Variants in XXYLT1 observed in about 807,000 individuals in gnomAD.
The protein encoded by XXYLT1 is xyloside xylosyltransferase 1.
In XXYLT1, 20 loss-of-function variants were observed where a neutral mutation model predicts 28.9. The observed-to-expected ratio is 0.69, with a 90% confidence interval of 0.49 to 1.00. The LOEUF (loss-of-function observed/expected upper bound fraction) is 1.00. Ranked by LOEUF, XXYLT1 falls within the 50% of genes least tolerant of loss-of-function variation. The pLI is 0.00. For missense variants in XXYLT1, 542 were observed against 560.1 expected (o/e 0.97, Z 0.33); for synonymous variants, 257 against 253.8 (o/e 1.01, Z -0.12).
intron 2 of XXYLT1, among the ~76,000 whole-genome samples, chr3:195,187,787 G>A (rs1373937001): frequency 3.3e-5 from 5 of 152,320 alleles, no homozygotes; most frequent in Non-Finnish European, 7.4e-5. Flanking sequence ...CGGGGCTGAG[G>A]ACATGCCTGG....
At chr3:195,112,581 ACG>A (rs200844009) in intron 3 of XXYLT1, among the ~76,000 whole-genome samples, 27 of 144,292 alleles carry the variant, frequency 1.9e-4, no homozygotes, top group African/African-American at 7.0e-4. Flanking sequence ...ACACACACGC[ACG>A]CACACACACA....
At chr3:195,163,177 T>C (rs961419345) in intron 2 of XXYLT1, among the ~76,000 whole-genome samples, 3 of 152,138 alleles carry the variant, frequency 2.0e-5, no homozygotes, top group African/African-American at 7.2e-5. Flanking sequence ...TTATCAGGTG[T>C]TTTCTGAAAA....
At chr3:195,239,668 C>T (rs1724697715) in intron 1 of XXYLT1, among the ~76,000 whole-genome samples, 1 of 152,102 alleles carries the variant, frequency 6.6e-6, no homozygotes, top group Non-Finnish European at 1.5e-5. Context: ...TTTCCCACAC[C>T]CAGCTTACAA....
chr3:195,186,254 A>G (rs1722192258), intron 2 of XXYLT1, among the ~76,000 whole-genome samples: 1 of 152,178 alleles, frequency 6.6e-6, no homozygotes, highest in South Asian at 2.1e-4. Flanking sequence ...AGTCCAGACC[A>G]TTCTTTCAGG....
rs572111441 is a variant in XXYLT1 at position 195,069,628 on chromosome 3, G to A, written c.*87C>T. 31 of 1,494,206 alleles carry A rather than the reference G, an allele frequency of 2.1e-5. No homozygotes were observed. The highest frequency in any genetic ancestry group is 1.4e-4 in the African/African-American group (10 of 71,812). 92.6% of individuals were successfully genotyped at this position (1,494,206 alleles called of 1,614,324 possible). On this transcript the variant is annotated 3_prime_UTR_variant, in exon 4 of 4. Coordinates refer to ENST00000310380, the MANE Select transcript of XXYLT1 (RefSeq NM_152531.5). ...GACTTCCCTGCGGTGTCTCTCTAGC[G>A]GGTCAGACACTGCCCTTGGGTCTGT...
chr3:195,101,662 A>G lies in XXYLT1; in HGVS notation c.786-31551T>C, dbSNP rs9869581. ...GATGAAATATATGAAATTGGGATAT[A>G]GCAAAAAATACATCTGAGCCGGGTG... On this transcript the variant is annotated intron_variant, in intron 3 of 3. Coordinates refer to ENST00000310380, the MANE Select transcript of XXYLT1 (RefSeq NM_152531.5). 5.2e-3 allele frequency among the ~76,000 whole-genome samples: 792 copies of G among 152,042 alleles called. 11 individuals are homozygous for G. Among genetic ancestry groups the G allele is most frequent in the African/African-American group, 0.018 (757 of 41,452 alleles).
At chr3:195,259,273 G>C (rs1019499588) in intron 1 of XXYLT1, among the ~76,000 whole-genome samples, 7 of 152,242 alleles carry the variant, frequency 4.6e-5, no homozygotes, top group Non-Finnish European at 1.0e-4. Context: ...CTTAACAGCA[G>C]GCTTTCTGTC....
chr3:195,254,803 A>G (rs556139786), intron 1 of XXYLT1, among the ~76,000 whole-genome samples: 2 of 152,262 alleles, frequency 1.3e-5, no homozygotes, highest in Non-Finnish European at 2.9e-5. Flanking sequence ...CGCTGTGCAC[A>G]TTCAGTCACT....
chr3:195,113,954 T>G (rs57645798), intron 3 of XXYLT1, among the ~76,000 whole-genome samples: 1,630 of 152,188 alleles, frequency 0.011, 28 homozygotes, highest in African/African-American at 0.037. Flanking sequence ...TCCCTCCAGG[T>G]GGCAGGAACA....
chr3:195,101,848 G>C (rs558485198), intron 3 of XXYLT1, among the ~76,000 whole-genome samples: 4 of 141,006 alleles, frequency 2.8e-5, no homozygotes, highest in African/African-American at 1.1e-4. Flanking sequence ...AGAGGGGAGG[G>C]AAGAAAGAAA....
chr3:195,185,547 A>G (rs1300519451), intron 2 of XXYLT1, among the ~76,000 whole-genome samples: 6 of 146,606 alleles, frequency 4.1e-5, no homozygotes, highest in Admixed American at 4.1e-4. Context: ...AGGTCACTGA[A>G]GGACCATGGG....
rs544215692 is a variant in XXYLT1, at chr3:195,251,051, C to T, written c.504+19504G>A. 5.9e-5 allele frequency among the ~76,000 whole-genome samples: 9 copies of T among 152,338 alleles called. 1 individual carries two copies. The highest frequency in any genetic ancestry group is 1.9e-4 in the East Asian group (1 of 5,172). On this transcript the variant is annotated intron_variant, in intron 1 of 3. Transcript: ENST00000310380. The stretch of plus-strand genomic sequence containing the variant: ...TCGGCATAAATGTGCACTGGCCAGA[C>T]GGCCCTGGGATCTGAGGACTCCCTC...
chr3:195,227,480 G>T (rs1036946771), intron 1 of XXYLT1, among the ~76,000 whole-genome samples: 1 of 152,202 alleles, frequency 6.6e-6, no homozygotes, highest in Admixed American at 6.5e-5. Flanking sequence ...ACTGTGAGAA[G>T]TATAAGGAAT....
intron 3 of XXYLT1, among the ~76,000 whole-genome samples, chr3:195,139,590 T>C (rs79963426): frequency 0.12 from 17,819 of 152,092 alleles, 1,185 homozygotes; most frequent in East Asian, 0.27. Flanking sequence ...CTGTGGCTTG[T>C]TCAGAGCCTG....
intron 3 of XXYLT1, among the ~76,000 whole-genome samples, chr3:195,081,317 G>C (rs1218736611): frequency 1.3e-5 from 2 of 152,176 alleles, no homozygotes; most frequent in African/African-American, 4.8e-5. Context: ...ATAGCAATTT[G>C]CAAAGTATAC....
chr3:195,135,405 A>G (rs1342425398), intron 3 of XXYLT1, among the ~76,000 whole-genome samples: 1 of 152,178 alleles, frequency 6.6e-6, no homozygotes. Flanking sequence ...ATCAAAAAAG[A>G]GTCAGTCAGC....
intron 3 of XXYLT1, among the ~76,000 whole-genome samples, chr3:195,122,655 G>A (rs1718424157): frequency 6.6e-6 from 1 of 152,222 alleles, no homozygotes; most frequent in Admixed American, 6.5e-5. Context: ...GCCAGCCCCA[G>A]CACCACAAAT....
At chr3:195,119,079 C>T (rs1161981763) in intron 3 of XXYLT1, among the ~76,000 whole-genome samples, 1 of 151,680 alleles carries the variant, frequency 6.6e-6, no homozygotes, top group Non-Finnish European at 1.5e-5. Context: ...AGTTTAAGAC[C>T]AGCCTGGCCA....
At chr3:195,097,999 G>A (rs998413963) in intron 3 of XXYLT1, among the ~76,000 whole-genome samples, 2 of 152,104 alleles carry the variant, frequency 1.3e-5, no homozygotes, top group African/African-American at 2.4e-5. Flanking sequence ...GGGGCGGGTC[G>A]GGAGGGGAAC....
Sources: allele counts gnomAD v4.1 joint callset (sites outside exome capture counted in the v4.1 genomes callset), GRCh38; gene constraint gnomAD v4.1.1; transcripts MANE v1.5; gene names NCBI Gene and HGNC (gene_info 2026-07-23, HGNC 2026-07-21).